Variants in ACSBG2 observed in about 807,000 individuals in gnomAD.
ACSBG2 encodes acyl-CoA synthetase bubblegum family member 2.
ACSBG2 carries 62 observed loss-of-function variants against 74.7 expected under a neutral mutation model. The ratio of observed to expected loss-of-function variants is 0.83; its 90% CI spans 0.68 to 1.03. The LOEUF (loss-of-function observed/expected upper bound fraction) is 1.03, where lower values mean the gene tolerates loss of function less well. Among genes scored for constraint, ACSBG2 ranks in the 50% least tolerant of loss-of-function variants. The probability of loss-of-function intolerance (pLI) is 0.00; values close to 1 mark genes in which losing one functional copy is unlikely to be tolerated. For missense variants in ACSBG2, 730 were observed against 817.6 expected (o/e 0.89, Z 1.31); for synonymous variants, 309 against 294.1 (o/e 1.05, Z -0.52).
intron 5 of ACSBG2, 40 bp downstream of exon 5, chr19:6,156,591 G>T (rs1373695458): frequency 6.7e-7 from 1 of 1,495,500 alleles, no homozygotes; most frequent in Non-Finnish European, 8.9e-7. Flanking sequence ...AGTCACCCAG[G>T]GGTACCTCAG....
Position 6,177,251 on chromosome 19 carries a change from T to TC in ACSBG2, c.761_762insC (p.Thr255AspfsTer5), listed in dbSNP as rs747637262. 99 of 1,613,960 alleles carry TC rather than the reference T, an allele frequency of 6.1e-5. No individual in the cohort carries two copies. The highest frequency in any genetic ancestry group is 7.8e-5 in the Non-Finnish European group (92 of 1,180,018). ...CAGATCACGTGGATTGCAGGAGCAG[T>TC]GACAAAGGACTTTAAACTGACAGAC... On this transcript the variant is annotated frameshift_variant, in exon 8 of 15. Coordinates refer to ENST00000588485, the MANE Select transcript of ACSBG2 (RefSeq NM_030924.5). LOFTEE classifies it high-confidence loss of function.
intron 10 of ACSBG2, among the ~76,000 whole-genome samples, chr19:6,184,874 G>GAAAAAAAAAAAAAAAAAAA (rs1305163415): frequency 2.0e-5 from 1 of 49,222 alleles, no homozygotes; most frequent in Non-Finnish European, 4.2e-5. Flanking sequence ...AAAAAAAAAC[G>GAAAAAAAAAAAAAAAAAAA]AAAAACAGCC....
intron 7 of ACSBG2, chr19:6,176,491 AAAC>A: frequency 9.4e-7 from 1 of 1,059,308 alleles, no homozygotes; most frequent in East Asian, 3.0e-5. Flanking sequence ...ACTTATGAAA[AAAC>A]AACACACACA....
chr19:6,143,956 TTTG>T (rs2088937525), intron 2 of ACSBG2, among the ~76,000 whole-genome samples: 1 of 121,746 alleles, frequency 8.2e-6, no homozygotes, highest in African/African-American at 2.8e-5. Context: ...ATTTGGTTTT[TTTG>T]TTGTTGTTTG....
intron 2 of ACSBG2, 33 bp from the exon 3 acceptor site, chr19:6,147,405 AATAAAAAC>A: frequency 1.9e-6 from 3 of 1,557,098 alleles, no homozygotes; most frequent in Non-Finnish European, 2.7e-6. Flanking sequence ...TTATTAAATA[AATAAAAAC>A]ATTTGCCACC....
At chr19:6,157,817 G>A (rs1225637776) in intron 5 of ACSBG2, among the ~76,000 whole-genome samples, 1 of 151,968 alleles carries the variant, frequency 6.6e-6, no homozygotes, top group Non-Finnish European at 1.5e-5. Context: ...ATGATTTCAA[G>A]CCCATGCTAC....
rs539844379 is a variant in ACSBG2 at position 6,182,928 on chromosome 19, T to A, written c.1084T>A (p.Leu362Met). 2 of 1,613,970 alleles carry A rather than the reference T, an allele frequency of 1.2e-6. No homozygotes were observed. The highest frequency in any genetic ancestry group is 1.7e-6 in the Non-Finnish European group (2 of 1,179,926). The part of the protein sequence containing the change: ...IGFKVNSKKM[L>M]GKYNTPVSYR... ...CTTCAAGGTCAACTCAAAAAAGATGTTGGGGTAGGTGGAGCATCCAGAGGG... is the reference window on the plus strand; with the variant it reads ...CTTCAAGGTCAACTCAAAAAAGATGATGGGGTAGGTGGAGCATCCAGAGGG... Residue 362 changes from leucine (L) to methionine (M), a missense_variant, in exon 9 of 15, where the codon TTG (leucine) becomes ATG (methionine). Transcript: ENST00000588485.
chr19:6,187,191 G>GTT, intron 11 of ACSBG2, 92 bp from the exon 12 acceptor site: 2 of 1,550,546 alleles, frequency 1.3e-6, no homozygotes, highest in Non-Finnish European at 1.8e-6. Flanking sequence ...ATTTAGTAGA[G>GTT]ACGGGGTTTC....
chr19:6,189,393 C>T (rs536636170), intron 13 of ACSBG2, among the ~76,000 whole-genome samples: 5 of 152,294 alleles, frequency 3.3e-5, no homozygotes, highest in African/African-American at 7.2e-5. Flanking sequence ...CTTTCATTTG[C>T]GAGTTTGCTG....
At chr19:6,184,216 C>T (rs2090336296) in intron 10 of ACSBG2, among the ~76,000 whole-genome samples, 1 of 152,118 alleles carries the variant, frequency 6.6e-6, no homozygotes, top group Admixed American at 6.5e-5. Context: ...GCACTCTTTA[C>T]ATATTAGGAA....
At chr19:6,176,067 C>G (rs1334212275) in intron 7 of ACSBG2, 2 of 306,778 alleles carry the variant, frequency 6.5e-6, no homozygotes, top group Non-Finnish European at 1.2e-5. Context: ...ACTCCTAAAG[C>G]TGCCTGCTAA....
Position 6,147,543 on chromosome 19 carries a change from A to AT in ACSBG2, c.171dup (p.Arg58SerfsTer31), listed in dbSNP as rs1427517363. On this transcript the variant is annotated frameshift_variant, in exon 3 of 15. Transcript: ENST00000588485. LOFTEE classifies it high-confidence loss of function. ...ATGAGACCCCGATGACCATCCCTGA[A>AT]TTTTTTCGAGAGTCAGTCAACCGAT... 1.2e-6 allele frequency: 2 copies of AT among 1,613,988 alleles called. No individual in the cohort carries two copies. Among genetic ancestry groups the AT allele is most frequent in the Non-Finnish European group, 1.7e-6 (2 of 1,180,034 alleles).
At chr19:6,171,467 T>G (rs987541331) in intron 7 of ACSBG2, among the ~76,000 whole-genome samples, 13 of 152,220 alleles carry the variant, frequency 8.5e-5, no homozygotes, top group Non-Finnish European at 1.6e-4. Context: ...TTCCCATTTA[T>G]GAAACTTAGT....
intron 5 of ACSBG2, chr19:6,160,745 C>A (rs1427503972): frequency 6.5e-6 from 1 of 154,706 alleles, no homozygotes; most frequent in East Asian, 1.9e-4. Context: ...AGTCCTGAAA[C>A]CAAGTCATTT....
chr19:6,155,808 A>T (rs893409542), intron 4 of ACSBG2, among the ~76,000 whole-genome samples: 2 of 148,082 alleles, frequency 1.4e-5, no homozygotes, highest in Admixed American at 6.7e-5. Flanking sequence ...AAAAAAAAAA[A>T]TGGTGAACAG....
chr19:6,137,616 TTTTA>T (rs539933351), intron 1 of ACSBG2, among the ~76,000 whole-genome samples: 14 of 151,970 alleles, frequency 9.2e-5, no homozygotes, highest in African/African-American at 3.1e-4. Flanking sequence ...ACTTTTTTAT[TTTTA>T]TTTATTTATT....
chr19:6,149,351 G>A (rs543543835), intron 3 of ACSBG2, among the ~76,000 whole-genome samples: 10 of 152,194 alleles, frequency 6.6e-5, no homozygotes, highest in South Asian at 2.1e-4. Context: ...ATTGCCAGCC[G>A]TGATCCCGTA....
chr19:6,191,527 T>A (rs2090562665), intron 14 of ACSBG2: 1 of 152,344 alleles, frequency 6.6e-6, no homozygotes, highest in South Asian at 2.1e-4. Flanking sequence ...CATTCCAGAC[T>A]TCTCTCCTTG....
At chr19:6,154,260 T>C (rs2089337257) in intron 4 of ACSBG2, among the ~76,000 whole-genome samples, 2 of 150,800 alleles carry the variant, frequency 1.3e-5, no homozygotes, top group South Asian at 4.2e-4. Context: ...TAGCCAGGCG[T>C]AGTGGCACAT....
Sources: allele counts gnomAD v4.1 joint callset (sites outside exome capture counted in the v4.1 genomes callset), GRCh38; gene constraint gnomAD v4.1.1; transcripts MANE v1.5; gene names NCBI Gene and HGNC (gene_info 2026-07-23, HGNC 2026-07-21).